OPCML: variants seen among roughly 807,000 people sequenced by gnomAD.
OPCML encodes the protein opioid-binding protein/cell adhesion molecule.
OPCML carries 13 observed loss-of-function variants against 37.8 expected under a neutral mutation model. The ratio of observed to expected loss-of-function variants is 0.34; its 90% CI spans 0.22 to 0.55. OPCML has a LOEUF of 0.55. OPCML is among the 20% of genes least tolerant of loss of function. OPCML has a pLI of 0.91. For missense variants in OPCML, 341 were observed against 435.6 expected, an observed-to-expected ratio of 0.78 and a Z score of 1.93; for synonymous variants, 176 against 168.8, an observed-to-expected ratio of 1.04 and a Z score of -0.33.
chr11:132,600,230 A>G (rs1937756517), intron 3 of OPCML, among the ~76,000 whole-genome samples: 1 of 152,222 alleles, frequency 6.6e-6, no homozygotes, highest in Non-Finnish European at 1.5e-5. Flanking sequence ...TCTAAGAGAT[A>G]AGGATACCAG....
intron 2 of OPCML, among the ~76,000 whole-genome samples, chr11:132,749,736 T>C (rs1945767619): frequency 6.6e-6 from 1 of 152,150 alleles, no homozygotes; most frequent in Non-Finnish European, 1.5e-5. Context: ...TATTGGACGA[T>C]GAGAATTCAG....
chr11:132,495,328 A>T (rs964619200), intron 4 of OPCML, among the ~76,000 whole-genome samples: 1 of 152,220 alleles, frequency 6.6e-6, no homozygotes, highest in African/African-American at 2.4e-5. Context: ...TTTAAAAGAG[A>T]TGTTCGAAAC....
chr11:133,486,469 T>C (rs1947527549), intron 1 of OPCML, among the ~76,000 whole-genome samples: 1 of 152,174 alleles, frequency 6.6e-6, no homozygotes, highest in Admixed American at 6.5e-5. Flanking sequence ...TTCTTTTTTT[T>C]TCTCTTCCTC....
chr11:133,470,579 C>T lies in OPCML; in HGVS notation c.61+61685G>A, dbSNP rs527388847. 2.0e-5 allele frequency among the ~76,000 whole-genome samples: 3 copies of T among 152,218 alleles called. No individual in the cohort carries two copies. The East Asian group carries it at 5.8e-4, about 29-fold the overall frequency. ...CCTTTCTTTCCCTGGTCCCTGCCACCCTGACCAGTGGTAGGATTTCTGGAA... is the reference window on the plus strand; with the variant it reads ...CCTTTCTTTCCCTGGTCCCTGCCACTCTGACCAGTGGTAGGATTTCTGGAA... On this transcript the variant is annotated intron_variant, in intron 1 of 7. Transcript: ENST00000524381.
At chr11:132,498,511 A>C (rs775217654) in intron 4 of OPCML, among the ~76,000 whole-genome samples, 1 of 152,352 alleles carries the variant, frequency 6.6e-6, no homozygotes, top group African/African-American at 2.4e-5. Context: ...GAATCATACA[A>C]CTTTTGAAGG....
intron 3 of OPCML, among the ~76,000 whole-genome samples, chr11:132,539,287 T>C (rs900669695): frequency 3.3e-5 from 5 of 152,108 alleles, no homozygotes. Context: ...GAAGGGTTTG[T>C]TGTGGGCAGA....
chr11:133,255,142 T>A (rs1055452804), intron 1 of OPCML, among the ~76,000 whole-genome samples: 3 of 152,152 alleles, frequency 2.0e-5, no homozygotes, highest in Non-Finnish European at 2.9e-5. Context: ...CCTCTGCACC[T>A]TTTTTTCTCC....
At chr11:132,501,112 T>A (rs2096244595) in intron 4 of OPCML, among the ~76,000 whole-genome samples, 1 of 152,180 alleles carries the variant, frequency 6.6e-6, no homozygotes, top group Non-Finnish European at 1.5e-5. Flanking sequence ...TGCTTCTATA[T>A]CCTTGAGGAA....
At chr11:133,167,573 C>T (rs1950227528) in intron 1 of OPCML, among the ~76,000 whole-genome samples, 1 of 150,276 alleles carries the variant, frequency 6.7e-6, no homozygotes, top group Non-Finnish European at 1.5e-5. Context: ...TTTTCCATTC[C>T]TAAGGAAATC....
At chr11:133,009,317 C>A in intron 1 of OPCML, 1 of 677,136 alleles carries the variant, frequency 1.5e-6, no homozygotes, top group Non-Finnish European at 1.8e-6. Context: ...AACAAAACAA[C>A]AGAATCTAGA....
chr11:132,917,361 T>C (rs1484512348), intron 2 of OPCML, among the ~76,000 whole-genome samples: 3 of 152,224 alleles, frequency 2.0e-5, no homozygotes, highest in Non-Finnish European at 4.4e-5. Flanking sequence ...TATCTATTGA[T>C]TAAAGTTGAA....
intron 2 of OPCML, among the ~76,000 whole-genome samples, chr11:132,938,454 T>C (rs1371289657): frequency 6.6e-6 from 1 of 152,270 alleles, no homozygotes; most frequent in East Asian, 1.9e-4. Flanking sequence ...AAGAACGAGA[T>C]GGAGCAGACA....
intron 2 of OPCML, among the ~76,000 whole-genome samples, chr11:132,726,039 A>G (rs914650871): frequency 1.3e-5 from 2 of 152,182 alleles, no homozygotes; most frequent in Non-Finnish European, 2.9e-5. Flanking sequence ...GAAGTTTTAA[A>G]CTTTGCCACG....
chr11:132,516,058 G>A (rs186947731), intron 4 of OPCML, among the ~76,000 whole-genome samples: 2 of 151,852 alleles, frequency 1.3e-5, no homozygotes, highest in Admixed American at 1.3e-4. Context: ...CAAGTCATAG[G>A]TCTCCAGTAA....
At chr11:132,729,975 G>A (rs1014052935) in intron 2 of OPCML, among the ~76,000 whole-genome samples, 20 of 149,138 alleles carry the variant, frequency 1.3e-4, no homozygotes, top group East Asian at 2.0e-4. Context: ...AAAAGGGTTC[G>A]GATTTTGTTT....
At chr11:133,167,995 C>G (rs1006589037) in intron 1 of OPCML, among the ~76,000 whole-genome samples, 2 of 152,164 alleles carry the variant, frequency 1.3e-5, no homozygotes, top group Non-Finnish European at 2.9e-5. Context: ...GTTCATTTAT[C>G]TTTCTGCATT....
rs1040028542 is a variant in OPCML, at chr11:133,213,837, C to T, written c.62-270827G>A. Among the ~76,000 whole-genome samples, 4 of 152,262 alleles carry T rather than the reference C, an allele frequency of 2.6e-5. No individual in the cohort carries two copies. The East Asian group carries it at 5.8e-4, about 22-fold the overall frequency. The stretch of plus-strand genomic sequence containing the variant: ...TAAAATAAGTAAATAGGATATGATA[C>T]ACTTTTGGTTAAAAATTACTGGGTC... On this transcript the variant is annotated intron_variant, in intron 1 of 7. Transcript: ENST00000524381.
At chr11:133,240,556 C>T (rs1274149048) in intron 1 of OPCML, among the ~76,000 whole-genome samples, 1 of 152,202 alleles carries the variant, frequency 6.6e-6, no homozygotes, top group Admixed American at 6.5e-5. Flanking sequence ...GCCCACCAGG[C>T]CTCAGAGGCA....
intron 3 of OPCML, among the ~76,000 whole-genome samples, chr11:132,541,308 T>C (rs2096355908): frequency 6.6e-6 from 1 of 152,054 alleles, no homozygotes. Context: ...CAACCTGAGC[T>C]CCCTCCCTCT....
Sources: gnomAD v4.1 joint callset for allele counts (sites outside exome capture counted in the v4.1 genomes callset) on GRCh38, gnomAD v4.1.1 for gene constraint, MANE v1.5 for transcripts, NCBI Gene and HGNC (gene_info 2026-07-23, HGNC 2026-07-21) for gene names.